MED12L: variants seen among roughly 807,000 people sequenced by gnomAD.
MED12L encodes the protein mediator complex subunit 12L.
Under a neutral mutation model 281.3 loss-of-function variants are expected in MED12L, and 60 were observed. That is an observed-to-expected ratio of 0.21 (90% CI 0.17 to 0.26). The LOEUF is 0.26. Among genes scored for constraint, MED12L ranks in the 10% least tolerant of loss-of-function variants. The pLI, the probability that MED12L is intolerant of heterozygous loss-of-function variation, is 1.00. For missense variants in MED12L, 2,146 were observed against 2,680.9 expected, an observed-to-expected ratio of 0.80 and a Z score of 4.41; for synonymous variants, 974 against 987.2, an observed-to-expected ratio of 0.99 and a Z score of 0.25.
rs960401359 is a variant in MED12L at position 151,392,974 on chromosome 3, G to A, written c.5609-1682G>A. On this transcript the variant is annotated intron_variant, in intron 38 of 44. Coordinates refer to ENST00000687756, the MANE Select transcript of MED12L (RefSeq NM_001393769.1). ...TATCAATATACATAATTCTTAACAC[G>A]TAATATATGTTCTGATTGTTGCTTC... Among the ~76,000 whole-genome samples, 11 of 152,220 alleles carry A rather than the reference G, an allele frequency of 7.2e-5. No individual in the cohort carries two copies. In the East Asian group the frequency reaches 7.7e-4, roughly 11 times the overall value.
intron 39 of MED12L, among the ~76,000 whole-genome samples, chr3:151,398,899 TA>T (rs1250348032): frequency 6.6e-6 from 1 of 152,214 alleles, no homozygotes; most frequent in Non-Finnish European, 1.5e-5. Context: ...TTACTAATAG[TA>T]AAATAGAACA....
At chr3:151,249,796 C>T (rs1052829678) in intron 16 of MED12L, among the ~76,000 whole-genome samples, 6 of 152,134 alleles carry the variant, frequency 3.9e-5, no homozygotes, top group African/African-American at 1.4e-4. Context: ...ACAAGTTCTT[C>T]CTGGGGATTT....
rs144358086 is a variant in MED12L, at chr3:151,406,629, A to C, written c.5821-2614A>C. Among the ~76,000 whole-genome samples, 198 of 152,298 alleles carry C rather than the reference A, an allele frequency of 1.3e-3. 2 individuals carry two copies. The highest frequency in any genetic ancestry group is 4.3e-3 in the African/African-American group (180 of 41,570). The stretch of plus-strand genomic sequence containing the variant: ...ACATATAAATAGTTCACCTTTAGAC[A>C]TAAAGGTGGAAAATGTTAGGGTGTG... On this transcript the variant is annotated intron_variant, in intron 39 of 44. Transcript: ENST00000687756.
intron 3 of MED12L, among the ~76,000 whole-genome samples, chr3:151,119,405 T>A (rs1323312494): frequency 6.6e-6 from 1 of 152,158 alleles, no homozygotes; most frequent in Non-Finnish European, 1.5e-5. Context: ...TCCAGATGCG[T>A]CTCTCCTTGG....
chr3:151,317,732 G>C (rs1315875069), intron 16 of MED12L, among the ~76,000 whole-genome samples: 1 of 151,900 alleles, frequency 6.6e-6, no homozygotes, highest in East Asian at 1.9e-4. Context: ...TTACATGTGT[G>C]AGCCACTGCG....
At chr3:151,265,792 T>G (rs537506494) in intron 16 of MED12L, among the ~76,000 whole-genome samples, 11 of 152,234 alleles carry the variant, frequency 7.2e-5, no homozygotes, top group Non-Finnish European at 1.5e-4. Context: ...GGTAAGATTG[T>G]GTTTGTATAA....
intron 5 of MED12L, among the ~76,000 whole-genome samples, chr3:151,129,875 C>T (rs1444002721): frequency 6.6e-6 from 1 of 152,104 alleles, no homozygotes; most frequent in African/African-American, 2.4e-5. Flanking sequence ...CTGAAGTGAT[C>T]TTCCTGCCTC....
chr3:151,350,344 A>G (rs1010812821), intron 17 of MED12L, 138 bp downstream of exon 17: 50 of 672,506 alleles, frequency 7.4e-5, no homozygotes, highest in Middle Eastern at 7.7e-4. Context: ...AAATGTGAAC[A>G]AGCACATTTA....
At chr3:151,258,093 T>A (rs1326559592) in intron 16 of MED12L, among the ~76,000 whole-genome samples, 1 of 152,184 alleles carries the variant, frequency 6.6e-6, no homozygotes, top group Non-Finnish European at 1.5e-5. Context: ...AATCTGTGGG[T>A]CCCTGAGTTG....
intron 16 of MED12L, among the ~76,000 whole-genome samples, chr3:151,257,538 T>C (rs1577147225): frequency 6.6e-6 from 1 of 152,254 alleles, no homozygotes; most frequent in South Asian, 2.1e-4. Context: ...GATTATAATA[T>C]CTACTTCAGA....
At chr3:151,225,100 A>G (rs1037736270) in intron 16 of MED12L, among the ~76,000 whole-genome samples, 1 of 152,072 alleles carries the variant, frequency 6.6e-6, no homozygotes, top group African/African-American at 2.4e-5. Flanking sequence ...CACCCTGCCT[A>G]TTGGGCTTGC....
At chr3:151,366,736 C>T (rs1262884306) in intron 23 of MED12L, among the ~76,000 whole-genome samples, 1 of 152,086 alleles carries the variant, frequency 6.6e-6, no homozygotes, top group African/African-American at 2.4e-5. Context: ...TTGGATAATC[C>T]TATCTCTATA....
rs368763215 is a variant in MED12L at position 151,319,698 on chromosome 3, C to T, written c.2251-30361C>T. Among the ~76,000 whole-genome samples the T allele has an allele frequency of 1.4e-3, 208 of 152,078 alleles. 1 individual carries two copies. The highest frequency in any genetic ancestry group is 4.2e-3 in the African/African-American group (175 of 41,452). ...TTCCCCACTCCAACATATTTACTGA[C>T]GACAGTAAAATGTCAGATTATGAGC... On this transcript the variant is annotated intron_variant, in intron 16 of 44. Transcript: ENST00000687756.
intron 16 of MED12L, among the ~76,000 whole-genome samples, chr3:151,250,345 CATT>C (rs747686189): frequency 2.6e-5 from 4 of 152,192 alleles, no homozygotes; most frequent in Non-Finnish European, 5.9e-5. Context: ...ATTACATTCA[CATT>C]GTTGTGTAAC....
At chr3:151,318,739 A>C (rs1158129745) in intron 16 of MED12L, among the ~76,000 whole-genome samples, 1 of 152,196 alleles carries the variant, frequency 6.6e-6, no homozygotes, top group African/African-American at 2.4e-5. Context: ...TTTTAAAAAA[A>C]AGAGAGGGCC....
At chr3:151,297,763 T>C (rs1745300987) in intron 16 of MED12L, among the ~76,000 whole-genome samples, 1 of 152,130 alleles carries the variant, frequency 6.6e-6, no homozygotes, top group Non-Finnish European at 1.5e-5. Context: ...AACACATTCT[T>C]ATTAAATGAT....
At chr3:151,188,307 T>C (rs375095339) in intron 12 of MED12L, 47 bp from the exon 13 acceptor site, 2 of 1,485,704 alleles carry the variant, frequency 1.3e-6, no homozygotes, top group African/African-American at 1.4e-5. Context: ...TGATCTGTTA[T>C]GACTATACTT....
chr3:151,275,369 T>TA (rs1420828242), intron 16 of MED12L, among the ~76,000 whole-genome samples: 2 of 152,160 alleles, frequency 1.3e-5, no homozygotes, highest in Admixed American at 1.3e-4. Flanking sequence ...GCTGTTCTTT[T>TA]ATTTGAATGA....
chr3:151,214,134 C>G, intron 16 of MED12L: 1 of 1,613,988 alleles, frequency 6.2e-7, no homozygotes, highest in Non-Finnish European at 8.5e-7. Flanking sequence ...TAACAATGTT[C>G]TTGAGATAGA....
Sources: gnomAD v4.1 joint callset for allele counts (sites outside exome capture counted in the v4.1 genomes callset) on GRCh38, gnomAD v4.1.1 for gene constraint, MANE v1.5 for transcripts, NCBI Gene and HGNC (gene_info 2026-07-23, HGNC 2026-07-21) for gene names.